The following MAPK10 variants were observed in gnomAD, a reference collection of about 807,000 sequenced individuals.
MAPK10 encodes JNK3 alpha protein kinase.
MAPK10 carries 25 observed loss-of-function variants against 59.3 expected under a neutral mutation model. The observed-to-expected ratio is 0.42, with a 90% CI of 0.31 to 0.59. The LOEUF (loss-of-function observed/expected upper bound fraction) is 0.59, where lower values mean the gene tolerates loss of function less well. Ranked by LOEUF, MAPK10 falls within the 20% of genes least tolerant of loss-of-function variation. The pLI, the probability that MAPK10 is intolerant of heterozygous loss-of-function variation, is 0.15. For synonymous variants in MAPK10, 190 were observed against 200.5 expected, an observed-to-expected ratio of 0.95 and a Z score of 0.44; for missense variants, 351 against 568.9, an observed-to-expected ratio of 0.62 and a Z score of 3.90.
At chr4:86,512,459 G>A (rs570272981) in intron 1 of MAPK10, among the ~76,000 whole-genome samples, 13 of 152,124 alleles carry the variant, frequency 8.5e-5, no homozygotes, top group Admixed American at 8.5e-4. Flanking sequence ...TTCCTGGCAG[G>A]CCCCAAAAAC....
Position 86,136,804 on chromosome 4 carries a change from G to A in MAPK10, c.236+22494C>T, listed in dbSNP as rs554087284. 5.4e-3 allele frequency among the ~76,000 whole-genome samples: 818 copies of A among 151,726 alleles called. 11 individuals are homozygous for A. The highest frequency in any genetic ancestry group is 0.019 in the African/African-American group (775 of 41,050). On this transcript the variant is annotated intron_variant, in intron 4 of 13. Transcript: ENST00000641462. ...TCAGGAAACCCATCTCACGTGCAGA[G>A]ACACACATAGGCTCAAAATAAAAGG... is the stretch of plus-strand genomic sequence containing the variant.
chr4:86,412,421 T>TACCACAAAAAA (rs1745309889), intron 1 of MAPK10, among the ~76,000 whole-genome samples: 1 of 152,222 alleles, frequency 6.6e-6, no homozygotes, highest in Admixed American at 6.5e-5. Flanking sequence ...GTGTTCTCCG[T>TACCACAAAAAA]ATTTCCTGAA....
intron 4 of MAPK10, among the ~76,000 whole-genome samples, chr4:86,136,399 G>T (rs1310896021): frequency 1.3e-5 from 2 of 151,992 alleles, no homozygotes; most frequent in African/African-American, 4.8e-5. Context: ...TTAAAGAAAA[G>T]AATTTTCAAC....
chr4:86,323,230 GT>G (rs774798845), intron 2 of MAPK10, among the ~76,000 whole-genome samples: 5 of 152,172 alleles, frequency 3.3e-5, no homozygotes, highest in Non-Finnish European at 7.3e-5. Flanking sequence ...TGGAAAGGAA[GT>G]GCTGGTAATG....
chr4:86,074,183 T>G (rs942182548), intron 9 of MAPK10, among the ~76,000 whole-genome samples: 8 of 122,748 alleles, frequency 6.5e-5, no homozygotes, highest in Non-Finnish European at 1.4e-4. Flanking sequence ...TTTGTTGGCT[T>G]AAAGTCTGTT....
chr4:86,447,348 G>T (rs1474094446), intron 1 of MAPK10, among the ~76,000 whole-genome samples: 2 of 152,076 alleles, frequency 1.3e-5, no homozygotes, highest in East Asian at 3.9e-4. Context: ...ATTTCCTGAG[G>T]CCTCTGGAGC....
chr4:86,172,588 T>G (rs1461167438), intron 3 of MAPK10, among the ~76,000 whole-genome samples: 89 of 119,898 alleles, frequency 7.4e-4, no homozygotes, highest in Admixed American at 1.1e-3. Context: ...GTGGGGGGAG[T>G]GGGGAGGGAT....
At chr4:86,307,576 T>C (rs550036398) in intron 2 of MAPK10, among the ~76,000 whole-genome samples, 1 of 152,058 alleles carries the variant, frequency 6.6e-6, no homozygotes, top group Non-Finnish European at 1.5e-5. Context: ...AAATAAGATT[T>C]TAAAAGGTGG....
At chr4:86,170,482 A>G (rs1380595736) in intron 3 of MAPK10, among the ~76,000 whole-genome samples, 1 of 152,240 alleles carries the variant, frequency 6.6e-6, no homozygotes, top group Non-Finnish European at 1.5e-5. Context: ...GAAGAAGGCC[A>G]TTACATAATG....
intron 1 of MAPK10, among the ~76,000 whole-genome samples, chr4:86,400,093 T>C (rs1743494173): frequency 6.6e-6 from 1 of 152,136 alleles, no homozygotes; most frequent in Non-Finnish European, 1.5e-5. Context: ...TACAAATATA[T>C]TTTTCACATT....
intron 3 of MAPK10, among the ~76,000 whole-genome samples, chr4:86,181,955 A>T (rs2077020005): frequency 6.6e-6 from 1 of 152,176 alleles, no homozygotes; most frequent in African/African-American, 2.4e-5. Context: ...TTAAATTCAT[A>T]GAGTGAAATG....
At chr4:86,321,590 TGGGGGGA>T (rs2095893199) in intron 2 of MAPK10, among the ~76,000 whole-genome samples, 1 of 72,242 alleles carries the variant, frequency 1.4e-5, no homozygotes, top group African/African-American at 5.7e-5. Flanking sequence ...TGTTGTGGGG[TGGGGGGA>T]GGGGGGAGGG....
intron 9 of MAPK10, among the ~76,000 whole-genome samples, chr4:86,078,971 G>A (rs1186486547): frequency 2.0e-5 from 3 of 152,022 alleles, no homozygotes; most frequent in Admixed American, 6.6e-5. Flanking sequence ...CCTGGGCAAC[G>A]AGAGTGAAAC....
intron 2 of MAPK10, among the ~76,000 whole-genome samples, chr4:86,235,755 G>C (rs535880163): frequency 6.6e-6 from 1 of 152,132 alleles, no homozygotes; most frequent in Non-Finnish European, 1.5e-5. Flanking sequence ...GGGACCGGGC[G>C]CCTGAGTCAG....
At chr4:86,487,608 G>A (rs1343837142) in intron 1 of MAPK10, among the ~76,000 whole-genome samples, 1 of 151,822 alleles carries the variant, frequency 6.6e-6, no homozygotes, top group Non-Finnish European at 1.5e-5. Flanking sequence ...GCAGGTGCCT[G>A]TAGTCCCAGC....
chr4:86,421,813 C>T (rs1746579575), intron 1 of MAPK10, among the ~76,000 whole-genome samples: 1 of 152,128 alleles, frequency 6.6e-6, no homozygotes, highest in Admixed American at 6.5e-5. Context: ...TGATGAAATC[C>T]CATGGGTGGC....
intron 1 of MAPK10, among the ~76,000 whole-genome samples, chr4:86,377,643 G>A (rs1226617743): frequency 6.6e-6 from 1 of 152,186 alleles, no homozygotes; most frequent in Non-Finnish European, 1.5e-5. Context: ...GAATGAATCG[G>A]TGAATCACTA....
At chr4:86,535,467 G>C (rs979645321) in intron 1 of MAPK10, among the ~76,000 whole-genome samples, 3 of 152,080 alleles carry the variant, frequency 2.0e-5, no homozygotes, top group Non-Finnish European at 4.4e-5. Flanking sequence ...CTGCGGTGTC[G>C]CTATTGTAGC....
intron 2 of MAPK10, 114 bp from the exon 3 acceptor site, chr4:86,194,521 T>A: frequency 4.4e-6 from 3 of 685,380 alleles, no homozygotes; most frequent in Non-Finnish European, 5.2e-6. Context: ...ACAACATATC[T>A]CCAACATAAT....
Sources: allele counts gnomAD v4.1 joint callset (sites outside exome capture counted in the v4.1 genomes callset), GRCh38; gene constraint gnomAD v4.1.1; transcripts MANE v1.5; gene names NCBI Gene and HGNC (gene_info 2026-07-23, HGNC 2026-07-21).